Variants in PCK1 observed in about 807,000 individuals in gnomAD.
PCK1 encodes the protein phosphoenolpyruvate carboxykinase, cytosolic [GTP].
PCK1 carries 44 observed loss-of-function variants against 50.3 expected under a neutral mutation model. The ratio of observed to expected loss-of-function variants is 0.87; its 90% CI spans 0.69 to 1.12. The LOEUF is 1.12. Among genes scored for constraint, PCK1 ranks in the 50% most tolerant of loss-of-function variants. The pLI is 0.00. For synonymous variants in PCK1, 332 were observed against 314.3 expected, an observed-to-expected ratio of 1.06 and a Z score of -0.59; for missense variants, 790 against 815.0, an observed-to-expected ratio of 0.97 and a Z score of 0.37.
At chr20:57,561,231 GA>G in intron 1 of PCK1, 28 bp downstream of exon 1, 1 of 542,148 alleles carries the variant, frequency 1.8e-6, no homozygotes, top group Non-Finnish European at 3.3e-6. Context: ...TTTACATTTT[GA>G]AAAATTACAA....
At chr20:57,563,984 G>A in intron 6 of PCK1, 185 bp from the exon 7 acceptor site, 1 of 618,630 alleles carries the variant, frequency 1.6e-6, no homozygotes, top group East Asian at 2.7e-5. Flanking sequence ...AATTGTGGAG[G>A]AAGCAAGAGT....
rs1062600 is a variant in PCK1 at position 57,562,742 on chromosome 20, G to A, written c.453G>A (p.Ser151=). 0.43 allele frequency: 691,806 copies of A among 1,610,092 alleles called. 155,703 individuals are homozygous for A. The highest frequency in any genetic ancestry group is 0.54 in the Middle Eastern group (3,249 of 5,998). Residue 151 remains serine (S), a synonymous_variant, in exon 4 of 10, where the codon TCG becomes TCA. Transcript: ENST00000319441. ...VIPFSMGPLG[S]PLSKIGIELT... ...CATTCAGCATGGGGCCGCTGGGCTC[G>A]CCTCTGTCAAAGATCGGCATCGAGC...
intron 3 of PCK1, 126 bp from the exon 4 acceptor site, chr20:57,562,570 G>T (rs1325833220): frequency 5.3e-6 from 4 of 760,660 alleles, no homozygotes; most frequent in Admixed American, 4.6e-5. Flanking sequence ...CAGGGGGCTG[G>T]TGACCAGCAG....
At position 57,565,928 on chromosome 20, in the gene PCK1, CA is replaced by C. The variant is rs775424364; in HGVS notation, c.*125del. On this transcript the variant is annotated 3_prime_UTR_variant, in exon 10 of 10. Transcript: ENST00000319441. ...ATAATAATCATCACCACACCGTGAG[CA>C]GATCTGAAAGGCACACTTTGATTTT... is the stretch of plus-strand genomic sequence containing the variant. The C allele has an allele frequency of 8.9e-6, 6 of 676,294 alleles. No homozygotes were observed. The highest frequency in any genetic ancestry group is 1.2e-5 in the Non-Finnish European group (5 of 408,190). The allele number at this position is 676,294 out of a possible 1,614,324, so 41.9% of individuals were successfully genotyped here. A position where few individuals can be genotyped will look rare whatever the true frequency, so the allele number is the denominator to read the frequency against.
At position 57,565,088 on chromosome 20, in the gene PCK1, T is replaced by C; in HGVS notation, c.1367T>C (p.Val456Ala). 1.9e-6 allele frequency: 3 copies of C among 1,614,006 alleles called. No individual in the cohort carries two copies. The highest frequency in any genetic ancestry group is 2.5e-6 in the Non-Finnish European group (3 of 1,179,958). Residue 456 changes from valine to alanine, a missense_variant, in exon 9 of 10, where the codon GTG becomes GCG. Physicochemically the swap from Val to Ala is moderately conservative, Grantham distance 64. Transcript: ENST00000319441. ...EALSWQHGVF[V>A]GAAMRSEATA... The stretch of plus-strand genomic sequence containing the variant: ...CTCAGCTGGCAACATGGAGTCTTTG[T>C]GGGGGCGGCCATGAGATCAGAGGCC...
chr20:57,563,348 C>G, intron 5 of PCK1, 133 bp downstream of exon 5: 1 of 821,660 alleles, frequency 1.2e-6, no homozygotes, highest in South Asian at 1.7e-5. Flanking sequence ...GAAACCCCAC[C>G]AGTAATGATT....
chr20:57,562,408 TC>T (rs1219192877), intron 3 of PCK1, 156 bp downstream of exon 3: 4 of 679,560 alleles, frequency 5.9e-6, no homozygotes, highest in Non-Finnish European at 9.8e-6. Context: ...AAAATGCACA[TC>T]CCTCTTCTGC....
chr20:57,564,096 C>T lies in PCK1; in HGVS notation c.962-73C>T, dbSNP rs929406768. The T allele has an allele frequency of 7.6e-5, 71 of 932,758 alleles. No individual in the cohort carries two copies. The East Asian group carries it at 9.4e-4, about 12-fold the overall frequency. The allele number at this position is 932,758 out of a possible 1,614,324, so 57.8% of individuals were successfully genotyped here. A position where few individuals can be genotyped will look rare whatever the true frequency, so the allele number is the denominator to read the frequency against. On this transcript the variant is annotated intron_variant, in intron 6 of 9. Coordinates refer to ENST00000319441, the MANE Select transcript of PCK1 (RefSeq NM_002591.4). ...TGAGAAGTTGGCATAGAAATTAGTCCGGCAATATATAAGAGTATATGTTCT... is the reference window on the plus strand; with the variant it reads ...TGAGAAGTTGGCATAGAAATTAGTCTGGCAATATATAAGAGTATATGTTCT...
At position 57,567,910 on chromosome 20, in the gene PCK1, C is replaced by G. The variant is rs2070217033; in HGVS notation, c.*2106C>G. On this transcript the variant is annotated 3_prime_UTR_variant, in exon 10 of 10. Coordinates refer to ENST00000319441, the MANE Select transcript of PCK1 (RefSeq NM_002591.4). ...TCACATAGGACCATTTGCCAGCAGG[C>G]CCTGCAAGCCTGGGGGACAGCCTAG... 1 of 152,294 alleles carries G rather than the reference C, an allele frequency of 6.6e-6. No individual in the cohort carries two copies. The highest frequency in any genetic ancestry group is 2.4e-5 in the African/African-American group (1 of 41,448). The allele number at this position is 152,294 out of a possible 1,614,324, so 9.4% of individuals were successfully genotyped here.
Position 57,562,821 on chromosome 20 carries a change from A to G in PCK1, c.532A>G (p.Thr178Ala). 1.9e-6 allele frequency: 3 copies of G among 1,614,046 alleles called. 1 individual carries two copies. The highest frequency in any genetic ancestry group is 2.2e-5 in the South Asian group (2 of 91,086). The change falls in exon 4 of 10, where the codon ACG (threonine) becomes GCG (alanine). Residue 178 changes from threonine to alanine, a missense_variant. Coordinates refer to ENST00000319441, the MANE Select transcript of PCK1 (RefSeq NM_002591.4). ...CATGCGGATCATGACGCGGATGGGC[A>G]CGCCCGTCCTGGAAGCAGTGGGCGA... The part of the protein sequence containing the change: ...ASMRIMTRMG[T>A]PVLEAVGDGE...
chr20:57,564,783 C>T, intron 8 of PCK1, 170 bp downstream of exon 8: 1 of 657,456 alleles, frequency 1.5e-6, no homozygotes, highest in East Asian at 2.7e-5. Flanking sequence ...GTAGAACCAA[C>T]CCTTCTGGTC....
chr20:57,562,623 T>A lies in PCK1; in HGVS notation c.407-73T>A, dbSNP rs556283681. 1.6e-3 allele frequency: 2,146 copies of A among 1,328,764 alleles called. 3 individuals are homozygous for A. Among genetic ancestry groups the A allele is most frequent in the Non-Finnish European group, 2.1e-3 (1,948 of 939,650 alleles). The allele number at this position is 1,328,764 out of a possible 1,614,324, so 82.3% of individuals were successfully genotyped here. A position where few individuals can be genotyped will look rare whatever the true frequency, so the allele number is the denominator to read the frequency against. ...GGAACACCGTGAAAATGGGTCTACC[T>A]GGGAAAAAAATGCTGGTCGTGTTCG... On this transcript the variant is annotated intron_variant, in intron 3 of 9. Transcript: ENST00000319441.
Position 57,563,668 on chromosome 20 carries a change from C to A in PCK1, c.902C>A (p.Pro301His). The A allele has an allele frequency of 6.2e-7, 1 of 1,613,850 alleles. No individual in the cohort carries two copies. The highest frequency in any genetic ancestry group is 8.5e-7 in the Non-Finnish European group (1 of 1,179,828). The stretch of plus-strand genomic sequence containing the variant: ...CTGGCCATGATGAACCCCAGCCTCC[C>A]CGGGTGGAAGGTTGAGTGCGTCGGG... Reference protein sequence around the residue: ...TNLAMMNPSLPGWKVECVGDD... With the variant: ...TNLAMMNPSLHGWKVECVGDD... Residue 301 changes from proline (P) to histidine (H), a missense_variant, in exon 6 of 10, where the codon CCC (proline) becomes CAC (histidine). Physicochemically the swap from Pro to His is moderately conservative, Grantham distance 77. Transcript: ENST00000319441.
rs28359546 is a variant in PCK1, at chr20:57,563,609, G to A, written c.843G>A (p.Ala281=). Reference sequence around the variant, plus strand: ...CTGAGGGTGAGAAGAAGTACCTGGCGGCCGCATTTCCCAGCGCCTGCGGGA... The same window carrying A: ...CTGAGGGTGAGAAGAAGTACCTGGCAGCCGCATTTCCCAGCGCCTGCGGGA... ...TNPEGEKKYL[A]AAFPSACGKT... The change falls in exon 6 of 10, where the codon GCG becomes GCA. Residue 281 remains alanine, a synonymous_variant. Transcript: ENST00000319441. 3.8e-4 allele frequency: 606 copies of A among 1,612,382 alleles called. 3 individuals are homozygous for A. In the African/African-American group the frequency reaches 6.6e-3, roughly 18 times the overall value.
rs546412346 is a variant in PCK1, at chr20:57,565,028, T to C, written c.1319-12T>C. 10 of 1,597,414 alleles carry C rather than the reference T, an allele frequency of 6.3e-6. No individual in the cohort carries two copies. In the South Asian group the frequency reaches 1.1e-4, roughly 18 times the overall value. On this transcript the variant is annotated splice_polypyrimidine_tract_variant and intron_variant, in intron 8 of 9. Transcript: ENST00000319441. ...CTCTGATGAACATTTCTCTTTTTTT[T>C]TCCTGCTAAAGGTGTCCCTCTAGTC...
In PCK1 at chr20:57,565,823, A is replaced by G; in HGVS notation, c.*19A>G. The G allele has an allele frequency of 1.3e-6, 2 of 1,555,546 alleles. No individual in the cohort carries two copies. Among genetic ancestry groups the G allele is most frequent in the Non-Finnish European group, 8.7e-7 (1 of 1,145,910 alleles). On this transcript the variant is annotated 3_prime_UTR_variant, in exon 10 of 10. Coordinates refer to ENST00000319441, the MANE Select transcript of PCK1 (RefSeq NM_002591.4). The stretch of plus-strand genomic sequence containing the variant: ...GATGTAATCAGGGCCTGAGTGCTTT[A>G]CCTTTAAAATCATTCCCTTTCCCAT...
intron 8 of PCK1, 118 bp downstream of exon 8, chr20:57,564,731 A>C (rs1390559975): frequency 1.1e-6 from 1 of 909,946 alleles, no homozygotes; most frequent in East Asian, 2.4e-5. Flanking sequence ...TCCTTTCTTG[A>C]GCTTCCTTCC....
chr20:57,564,741 C>T, intron 8 of PCK1, 128 bp downstream of exon 8: 1 of 842,310 alleles, frequency 1.2e-6, no homozygotes, highest in East Asian at 2.5e-5. Context: ...AGCTTCCTTC[C>T]CAAAGATCCA....
At position 57,565,691 on chromosome 20, in the gene PCK1, G is replaced by A. The variant is rs1278381131; in HGVS notation, c.1756G>A (p.Glu586Lys). Residue 586 changes from glutamate to lysine, a missense_variant, in exon 10 of 10, where the codon GAG (glutamate) becomes AAG (lysine). Physicochemically the swap from Glu to Lys is moderately conservative, Grantham distance 56. Coordinates refer to ENST00000319441, the MANE Select transcript of PCK1 (RefSeq NM_002591.4). ...TTTCAGCATCTCCAAGGAATTCTGG[G>A]AGAAGGAGGTGGAAGACATCGAGAA... is the stretch of plus-strand genomic sequence containing the variant. ...ELFSISKEFW[E>K]KEVEDIEKYL... 2 of 1,613,940 alleles carry A rather than the reference G, an allele frequency of 1.2e-6. No individual in the cohort carries two copies. The highest frequency in any genetic ancestry group is 1.7e-6 in the Non-Finnish European group (2 of 1,180,026).
Sources: gnomAD v4.1 joint callset for allele counts on GRCh38, gnomAD v4.1.1 for gene constraint, MANE v1.5 for transcripts, NCBI Gene and HGNC (gene_info 2026-07-23, HGNC 2026-07-21) for gene names.